PHLDB1: variants seen among roughly 807,000 people sequenced by gnomAD.
The protein encoded by PHLDB1 is pleckstrin homology-like domain family B member 1.
In PHLDB1, 65 loss-of-function variants were observed where a neutral mutation model predicts 139.3. The observed-to-expected ratio is 0.47, with a 90% CI of 0.38 to 0.57. PHLDB1 has a LOEUF of 0.57. PHLDB1 is among the 20% of genes least tolerant of loss of function. The pLI is 0.00. For synonymous variants in PHLDB1, 679 were observed against 734.5 expected, an observed-to-expected ratio of 0.92 and a Z score of 1.22; for missense variants, 1,624 against 1,839.7, an observed-to-expected ratio of 0.88 and a Z score of 2.14.
At chr11:118,626,244 CTTT>C (rs375550791) in intron 5 of PHLDB1, among the ~76,000 whole-genome samples, 4 of 144,176 alleles carry the variant, frequency 2.8e-5, no homozygotes, top group Admixed American at 7.0e-5. Flanking sequence ...TTTTCTTTTT[CTTT>C]TTTTTTTTTT....
intron 7 of PHLDB1, among the ~76,000 whole-genome samples, chr11:118,631,696 G>GC (rs1463640661): frequency 6.6e-6 from 1 of 152,164 alleles, no homozygotes; most frequent in Non-Finnish European, 1.5e-5. Flanking sequence ...TTTCCATGGG[G>GC]CCCCACCCAG....
Position 118,632,303 on chromosome 11 carries a change from C to T in PHLDB1, c.2379+7C>T. ...CCAGAAGGAGAGGGACAAGGTAACC[C>T]ACACCTGGCCCAGCTTAGTGCTGGG... On this transcript the variant is annotated splice_region_variant and intron_variant, in intron 9 of 22. Transcript: ENST00000600882. This position sits in a 1 kb window ranked among gnomAD's most constrained non-coding sequence, Gnocchi z 5.9. 6.2e-7 allele frequency: 1 copy of T among 1,612,296 alleles called. No homozygotes were observed. The highest frequency in any genetic ancestry group is 8.5e-7 in the Non-Finnish European group (1 of 1,179,900).
In PHLDB1 at chr11:118,632,892, G is replaced by T; in HGVS notation, c.2379+596G>T. 1 of 957,040 alleles carries T rather than the reference G, an allele frequency of 1.0e-6. No individual in the cohort carries two copies. Among genetic ancestry groups the T allele is most frequent in the Non-Finnish European group, 1.2e-6 (1 of 804,104 alleles). 59.3% of individuals were successfully genotyped at this position (957,040 alleles called of 1,614,324 possible). On this transcript the variant is annotated intron_variant, in intron 9 of 22. Transcript: ENST00000600882. The surrounding 1 kb of genome is among the most constrained non-coding windows in gnomAD (Gnocchi z 5.9). Reference sequence around the variant, plus strand: ...AGTGGAGAGGGGTCATCTATTTCTGGATCTGACAGTATTTTTCCAATAATT... The same window carrying T: ...AGTGGAGAGGGGTCATCTATTTCTGTATCTGACAGTATTTTTCCAATAATT...
chr11:118,652,710 AG>A (rs1948514215), intron 20 of PHLDB1: 1 of 152,428 alleles, frequency 6.6e-6, no homozygotes, highest in Non-Finnish European at 1.5e-5. Flanking sequence ...GGGGAGGGAG[AG>A]GGCCGAACCC....
chr11:118,637,829 T>C (rs1945889747), intron 10 of PHLDB1: 1 of 152,252 alleles, frequency 6.6e-6, no homozygotes, highest in Non-Finnish European at 1.5e-5. Flanking sequence ...TTACTATCTT[T>C]TCATTTCCTT....
At chr11:118,616,795 A>G (rs1441778663) in intron 4 of PHLDB1, among the ~76,000 whole-genome samples, 1 of 152,228 alleles carries the variant, frequency 6.6e-6, no homozygotes, top group Admixed American at 6.5e-5. Context: ...CTACAATCCC[A>G]GCACTTTGGT....
chr11:118,642,217 T>G (rs782535223), intron 12 of PHLDB1, 37 bp from the exon 13 acceptor site: 4 of 1,594,620 alleles, frequency 2.5e-6, no homozygotes, highest in Non-Finnish European at 3.4e-6. Context: ...CATCCTCCCC[T>G]CCTGTCCCCT....
chr11:118,643,745 G>T, intron 13 of PHLDB1, 55 bp from the exon 14 acceptor site: 3 of 1,613,382 alleles, frequency 1.9e-6, no homozygotes, highest in Non-Finnish European at 2.5e-6. Flanking sequence ...GGTGACATGG[G>T]GGAGGTGGCC....
At chr11:118,630,128 G>T (rs544832902) in intron 6 of PHLDB1, 2 of 1,186,638 alleles carry the variant, frequency 1.7e-6, no homozygotes, top group Non-Finnish European at 2.2e-6. Flanking sequence ...CACTTCCTGC[G>T]GTTTGGGTTC....
In PHLDB1 at chr11:118,631,312, G is replaced by A. The variant is rs149314663; in HGVS notation, c.1933G>A (p.Ala645Thr). ...ELPSIGEATA[A>T]LALAGRRPSR... is the part of the protein sequence containing the mutation. ...TCCCAGCATTGGGGAGGCCACCGCA[G>A]CATTGGCACTGGCAGGCCGGAGGCC... The change falls in exon 7 of 23, where the codon GCA becomes ACA. Residue 645 changes from alanine (A) to threonine (T), a missense_variant. By Grantham distance (58) the Ala-to-Thr change is moderately conservative. Coordinates refer to ENST00000600882, the MANE Select transcript of PHLDB1 (RefSeq NM_001144758.3). 1.1e-4 allele frequency: 174 copies of A among 1,548,852 alleles called. No individual in the cohort carries two copies. The highest frequency in any genetic ancestry group is 1.5e-4 in the Non-Finnish European group (173 of 1,149,984).
chr11:118,638,996 C>G lies in PHLDB1; in HGVS notation c.2641C>G (p.Gln881Glu), dbSNP rs1254559605. 1 of 1,612,008 alleles carries G rather than the reference C, an allele frequency of 6.2e-7. No individual in the cohort carries two copies. The highest frequency in any genetic ancestry group is 1.7e-5 in the Admixed American group (1 of 59,892). ...CAAGAATGCCTCCTTACAGCTGCTG[C>G]AAAAGGTAGGGTCCCTGAGGTTGGG... The part of the protein sequence containing the change: ...RDKNASLQLL[Q>E]KEKEKLTVLE... Residue 881 changes from glutamine to glutamate, a missense_variant, in exon 11 of 23, where the codon CAA becomes GAA. Physicochemically the swap from Gln to Glu is conservative, Grantham distance 29. Coordinates refer to ENST00000600882, the MANE Select transcript of PHLDB1 (RefSeq NM_001144758.3).
chr11:118,616,011 C>T (rs782157116), intron 3 of PHLDB1, 30 bp from the exon 4 acceptor site: 1 of 1,591,476 alleles, frequency 6.3e-7, no homozygotes, highest in Non-Finnish European at 8.6e-7. Flanking sequence ...CTGGACAACC[C>T]CTCTGATTCA....
chr11:118,616,725 A>G (rs554747167), intron 4 of PHLDB1, among the ~76,000 whole-genome samples: 5 of 152,328 alleles, frequency 3.3e-5, no homozygotes, highest in Admixed American at 2.6e-4. Flanking sequence ...GCAATAGGCC[A>G]TTCTGTTGTG....
chr11:118,609,118 G>GTCACACACACAGCCCAGC (rs546537054), intron 1 of PHLDB1, among the ~76,000 whole-genome samples: 14 of 128,046 alleles, frequency 1.1e-4, no homozygotes, highest in Non-Finnish European at 2.1e-4. Context: ...CAAGCAGCCC[G>GTCACACACACAGCCCAGC]TCACACACAC....
intron 9 of PHLDB1, chr11:118,634,892 C>CCGCCCTCTCCCT: frequency 2.3e-6 from 1 of 426,614 alleles, no homozygotes. Flanking sequence ...CCCCTGTGCC[C>CCGCCCTCTCCCT]CGCCCTCTCC....
At position 118,645,413 on chromosome 11, in the gene PHLDB1, C is replaced by T. The variant is rs1555126337; in HGVS notation, c.3179C>T (p.Ala1060Val). 2.0e-6 allele frequency: 3 copies of T among 1,534,668 alleles called. No homozygotes were observed. The highest frequency in any genetic ancestry group is 1.3e-5 in the South Asian group (1 of 77,702). The change falls in exon 16 of 23, where the codon GCA becomes GTA. Residue 1060 changes from alanine to valine, a missense_variant. Ala to Val is a moderately conservative substitution (Grantham distance 64, BLOSUM62 0). Coordinates refer to ENST00000600882, the MANE Select transcript of PHLDB1 (RefSeq NM_001144758.3). This position sits in a 1 kb window ranked among gnomAD's most constrained non-coding sequence, Gnocchi z 5.1. ...RRLAELKQKAAAEAQCQWDAL... is the reference protein window; with the variant it reads ...RRLAELKQKAVAEAQCQWDAL... The stretch of plus-strand genomic sequence containing the variant: ...CTGGCTGAGCTGAAGCAGAAAGCGG[C>T]AGCTGAGGCACAGTGCCAGTGGGAT...
intron 10 of PHLDB1, among the ~76,000 whole-genome samples, chr11:118,635,978 G>C (rs1945577138): frequency 6.6e-6 from 1 of 152,208 alleles, no homozygotes; most frequent in African/African-American, 2.4e-5. Flanking sequence ...CATTCATTTC[G>C]GTTCCAGCCA....
Position 118,632,987 on chromosome 11 carries a change from G to T in PHLDB1, c.2379+691G>T. On this transcript the variant is annotated intron_variant, in intron 9 of 22. Transcript: ENST00000600882. This position sits in a 1 kb window ranked among gnomAD's most constrained non-coding sequence, Gnocchi z 5.9. ...ATTTTGAGAATCTTAAAAATTCTTT[G>T]ACCCTTTTTTTTTTTTTTTGGAGCT... The T allele has an allele frequency of 3.7e-6, 1 of 268,198 alleles. No individual in the cohort carries two copies. The highest frequency in any genetic ancestry group is 5.3e-6 in the Non-Finnish European group (1 of 188,222). 16.6% of individuals were successfully genotyped at this position (268,198 alleles called of 1,614,324 possible). A position where few individuals can be genotyped will look rare whatever the true frequency, so the allele number is the denominator to read the frequency against.
At chr11:118,640,302 G>C in intron 12 of PHLDB1, 1 of 152,432 alleles carries the variant, frequency 6.6e-6, no homozygotes. Context: ...GACCCCAGAG[G>C]ACAACCTGGT....
Sources: gnomAD v4.1 joint callset for allele counts (sites outside exome capture counted in the v4.1 genomes callset) on GRCh38, gnomAD v4.1.1 for gene constraint, Gnocchi (gnomAD v3.1) non-coding constraint, MANE v1.5 for transcripts, NCBI Gene and HGNC (gene_info 2026-07-23, HGNC 2026-07-21) for gene names.